The following NRXN1 variants were observed in gnomAD, a reference collection of about 807,000 sequenced individuals.
NRXN1 encodes the protein neurexin-1.
NRXN1 carries 39 observed loss-of-function variants against 150.9 expected under a neutral mutation model. That is an observed-to-expected ratio of 0.26 (90% CI 0.20 to 0.34). The LOEUF (loss-of-function observed/expected upper bound fraction) is 0.34, where lower values mean the gene tolerates loss of function less well. NRXN1 is among the 10% of genes least tolerant of loss of function. The pLI is 1.00. For missense variants in NRXN1, 1,815 were observed against 1,949.9 expected (o/e 0.93, Z 1.30); for synonymous variants, 924 against 757.0 (o/e 1.22, Z -3.62).
chr2:50,763,531 T>C (rs960175268), intron 5 of NRXN1, among the ~76,000 whole-genome samples: 9 of 151,956 alleles, frequency 5.9e-5, no homozygotes, highest in Non-Finnish European at 2.9e-5. Flanking sequence ...ATTATTATGC[T>C]AGGCACTTAA....
chr2:50,522,459 A>G (rs1252479812), intron 12 of NRXN1, among the ~76,000 whole-genome samples: 3 of 152,186 alleles, frequency 2.0e-5, no homozygotes, highest in Non-Finnish European at 4.4e-5. Context: ...CTTGGTTTCA[A>G]CATGCATTCT....
intron 17 of NRXN1, among the ~76,000 whole-genome samples, chr2:50,367,613 G>C (rs1237179578): frequency 6.6e-6 from 1 of 151,958 alleles, no homozygotes; most frequent in African/African-American, 2.4e-5. Flanking sequence ...ATCCTGAGCT[G>C]GGCAGATCCC....
intron 5 of NRXN1, among the ~76,000 whole-genome samples, chr2:50,788,623 AAGAG>A (rs1559263794): frequency 6.6e-6 from 1 of 151,588 alleles, no homozygotes; most frequent in Non-Finnish European, 1.5e-5. Flanking sequence ...GAGAGAGAGA[AAGAG>A]AGAGACAGAA....
At chr2:50,911,678 T>G (rs1216605220) in intron 5 of NRXN1, among the ~76,000 whole-genome samples, 1 of 151,938 alleles carries the variant, frequency 6.6e-6, no homozygotes, top group African/African-American at 2.4e-5. Flanking sequence ...AGCTTTTCCT[T>G]GTCTGGATCC....
chr2:50,362,186 G>T (rs2079261423), intron 17 of NRXN1, among the ~76,000 whole-genome samples: 1 of 152,116 alleles, frequency 6.6e-6, no homozygotes, highest in Non-Finnish European at 1.5e-5. Flanking sequence ...TTGAAAACCG[G>T]CACAAGACAA....
chr2:50,282,276 G>A (rs2071562845), intron 17 of NRXN1, among the ~76,000 whole-genome samples: 1 of 152,140 alleles, frequency 6.6e-6, no homozygotes, highest in Non-Finnish European at 1.5e-5. Flanking sequence ...AAGCCAAGGA[G>A]AGATGTAGTT....
intron 21 of NRXN1, among the ~76,000 whole-genome samples, chr2:49,959,976 G>C (rs2104538654): frequency 6.6e-6 from 1 of 152,230 alleles, no homozygotes. Flanking sequence ...TTTTTTTCCT[G>C]AATGTTCTCT....
At chr2:50,320,470 G>A (rs538874281) in intron 17 of NRXN1, among the ~76,000 whole-genome samples, 172 of 151,336 alleles carry the variant, frequency 1.1e-3, no homozygotes, top group African/African-American at 3.9e-3. Context: ...AAATGAAAAT[G>A]TTTTCATTTC....
intron 5 of NRXN1, among the ~76,000 whole-genome samples, chr2:50,709,495 T>C (rs1312431078): frequency 6.6e-6 from 1 of 152,120 alleles, no homozygotes; most frequent in Non-Finnish European, 1.5e-5. Context: ...GGTGGCCATA[T>C]AACCTATCAT....
At chr2:50,863,586 G>A (rs989477916) in intron 5 of NRXN1, among the ~76,000 whole-genome samples, 3 of 151,830 alleles carry the variant, frequency 2.0e-5, no homozygotes, top group African/African-American at 7.3e-5. Flanking sequence ...AGCTCTAAAT[G>A]GCCACACTTT....
At chr2:51,022,095 A>T (rs1669703035) in intron 2 of NRXN1, among the ~76,000 whole-genome samples, 1 of 152,100 alleles carries the variant, frequency 6.6e-6, no homozygotes, top group Non-Finnish European at 1.5e-5. Flanking sequence ...AATTCCTTTT[A>T]GACAAGAAGA....
chr2:50,805,927 A>G (rs1398818744), intron 5 of NRXN1, among the ~76,000 whole-genome samples: 2 of 152,182 alleles, frequency 1.3e-5, no homozygotes, highest in East Asian at 3.9e-4. Flanking sequence ...TCTTTTCACT[A>G]CAGAACATAC....
intron 5 of NRXN1, among the ~76,000 whole-genome samples, chr2:50,675,787 A>C (rs570032747): frequency 1.3e-5 from 2 of 152,244 alleles, no homozygotes; most frequent in Admixed American, 1.3e-4. Flanking sequence ...AGCAATAATA[A>C]AGATGGAGAG....
At position 50,915,718 on chromosome 2, in the gene NRXN1, T is replaced by C. The variant is rs1007447425; in HGVS notation, c.832+6151A>G. On this transcript the variant is annotated intron_variant, in intron 5 of 22. Transcript: ENST00000401669. ...AATGATACTGTTTTTGTTAAACCTTTGGCAGATTACAGATCAATCGTTTTA... is the reference window on the plus strand; with the variant it reads ...AATGATACTGTTTTTGTTAAACCTTCGGCAGATTACAGATCAATCGTTTTA... Among the ~76,000 whole-genome samples the C allele has an allele frequency of 2.3e-4, 35 of 151,342 alleles. 1 individual carries two copies. Among genetic ancestry groups the C allele is most frequent in the Non-Finnish European group, 1.0e-4 (7 of 67,614 alleles).
At chr2:50,813,311 G>A (rs934582771) in intron 5 of NRXN1, among the ~76,000 whole-genome samples, 1 of 151,874 alleles carries the variant, frequency 6.6e-6, no homozygotes, top group Non-Finnish European at 1.5e-5. Context: ...TTATCTTTTA[G>A]ATCTCCATCA....
rs186341724 is a variant in NRXN1, at chr2:50,248,299, C to T, written c.3365-11329G>A. Among the ~76,000 whole-genome samples the T allele has an allele frequency of 2.2e-3, 335 of 152,180 alleles. 1 individual carries two copies. The highest frequency in any genetic ancestry group is 0.014 in the Middle Eastern group (4 of 294). On this transcript the variant is annotated intron_variant, in intron 17 of 22. Transcript: ENST00000401669. The stretch of plus-strand genomic sequence containing the variant: ...GAAGTGCTGGGATTCTGGGTGTGAG[C>T]TATAGTGTACAATTTAGAATCCTGA...
chr2:50,424,683 A>G (rs2084337851), intron 17 of NRXN1, among the ~76,000 whole-genome samples: 1 of 152,158 alleles, frequency 6.6e-6, no homozygotes, highest in Non-Finnish European at 1.5e-5. Flanking sequence ...AGCACTTTAT[A>G]AATACCCTGT....
chr2:50,683,726 G>C (rs1322778060), intron 5 of NRXN1, among the ~76,000 whole-genome samples: 1 of 143,114 alleles, frequency 7.0e-6, no homozygotes, highest in African/African-American at 2.6e-5. Flanking sequence ...AGGGCAAACA[G>C]CTTTACATAC....
intron 17 of NRXN1, among the ~76,000 whole-genome samples, chr2:50,400,323 A>C (rs2082313932): frequency 6.6e-6 from 1 of 152,110 alleles, no homozygotes; most frequent in Non-Finnish European, 1.5e-5. Flanking sequence ...AAGGATGATA[A>C]TTGTTTATTC....
Sources: gnomAD v4.1 joint callset for allele counts (sites outside exome capture counted in the v4.1 genomes callset) on GRCh38, gnomAD v4.1.1 for gene constraint, MANE v1.5 for transcripts, NCBI Gene and HGNC (gene_info 2026-07-23, HGNC 2026-07-21) for gene names.